The following GTF2F2 variants were observed in gnomAD, a reference collection of about 807,000 sequenced individuals.
GTF2F2 encodes the protein general transcription factor IIF subunit 2.
GTF2F2 carries 23 observed loss-of-function variants against 42.2 expected under a neutral mutation model. The ratio of observed to expected loss-of-function variants is 0.55; its 90% CI spans 0.39 to 0.77. The LOEUF is 0.77. Among genes scored for constraint, GTF2F2 ranks in the 30% least tolerant of loss-of-function variants. GTF2F2 has a pLI of 0.00. For synonymous variants in GTF2F2, 105 were observed against 100.8 expected, an observed-to-expected ratio of 1.04 and a Z score of -0.25; for missense variants, 261 against 287.2, an observed-to-expected ratio of 0.91 and a Z score of 0.66.
chr13:45,274,142 T>C (rs1471549789), intron 7 of GTF2F2, among the ~76,000 whole-genome samples: 2 of 152,178 alleles, frequency 1.3e-5, no homozygotes, highest in South Asian at 2.1e-4. Flanking sequence ...CTTTTTCAAA[T>C]GTCCCAAGAC....
chr13:45,248,536 C>T (rs373241647), intron 5 of GTF2F2, among the ~76,000 whole-genome samples: 6 of 151,898 alleles, frequency 4.0e-5, no homozygotes, highest in African/African-American at 7.2e-5. Flanking sequence ...TGCAATGGCG[C>T]GATCTCAGCT....
intron 4 of GTF2F2, among the ~76,000 whole-genome samples, chr13:45,175,562 G>T (rs545751948): frequency 9.9e-5 from 15 of 152,236 alleles, no homozygotes; most frequent in African/African-American, 3.4e-4. Flanking sequence ...AACAGCATCA[G>T]TATCTGTATC....
chr13:45,203,999 CT>C (rs561926284), intron 4 of GTF2F2, among the ~76,000 whole-genome samples: 3 of 151,828 alleles, frequency 2.0e-5, no homozygotes, highest in Admixed American at 6.6e-5. Context: ...ATGCTAATGG[CT>C]TTTTTTTATT....
chr13:45,275,063 T>C (rs1876974458), intron 7 of GTF2F2, among the ~76,000 whole-genome samples: 1 of 152,170 alleles, frequency 6.6e-6, no homozygotes, highest in African/African-American at 2.4e-5. Context: ...TTCCTTTCTC[T>C]CCCCTACAGG....
At chr13:45,163,818 C>T (rs1179485956) in intron 4 of GTF2F2, among the ~76,000 whole-genome samples, 1 of 152,092 alleles carries the variant, frequency 6.6e-6, no homozygotes, top group Non-Finnish European at 1.5e-5. Context: ...AAAACAGAGA[C>T]AGGTTATTTG....
intron 4 of GTF2F2, among the ~76,000 whole-genome samples, chr13:45,185,754 T>G (rs1379286208): frequency 1.3e-5 from 2 of 152,208 alleles, no homozygotes; most frequent in Non-Finnish European, 2.9e-5. Flanking sequence ...GAAAATGCAC[T>G]AAATCATTTA....
chr13:45,183,161 G>T (rs1469611571), intron 4 of GTF2F2, among the ~76,000 whole-genome samples: 1 of 152,122 alleles, frequency 6.6e-6, no homozygotes, highest in Non-Finnish European at 1.5e-5. Context: ...TGGTTGCTGT[G>T]TGACTGCAGG....
intron 5 of GTF2F2, among the ~76,000 whole-genome samples, chr13:45,222,597 A>AT (rs148140168): frequency 5.3e-5 from 8 of 151,992 alleles, no homozygotes; most frequent in Middle Eastern, 3.4e-3. Flanking sequence ...GGATGAGCAC[A>AT]TTTTTTTTCC....
chr13:45,210,330 C>G (rs1269312160), intron 5 of GTF2F2, among the ~76,000 whole-genome samples: 1 of 152,182 alleles, frequency 6.6e-6, no homozygotes, highest in Non-Finnish European at 1.5e-5. Flanking sequence ...GGCACACATC[C>G]ACACTGCAGC....
chr13:45,124,091 A>G (rs1268416683), intron 1 of GTF2F2: 2 of 876,754 alleles, frequency 2.3e-6, no homozygotes, highest in Non-Finnish European at 3.8e-6. Context: ...CCAGGAAATG[A>G]ACTTGACAAA....
chr13:45,228,739 C>T (rs536518768), intron 5 of GTF2F2, among the ~76,000 whole-genome samples: 305 of 143,922 alleles, frequency 2.1e-3, no homozygotes, highest in African/African-American at 7.8e-3. Context: ...GGCATGATCT[C>T]GTCTCACCGC....
chr13:45,157,172 G>A (rs1383325968), intron 4 of GTF2F2, among the ~76,000 whole-genome samples: 1 of 152,132 alleles, frequency 6.6e-6, no homozygotes, highest in African/African-American at 2.4e-5. Context: ...AAGGCAGACA[G>A]AGAACAGTAA....
intron 4 of GTF2F2, among the ~76,000 whole-genome samples, chr13:45,197,502 C>T (rs1168605861): frequency 2.2e-5 from 3 of 138,432 alleles, no homozygotes; most frequent in Non-Finnish European, 3.1e-5. Flanking sequence ...CAGTAAGACC[C>T]TGTCTCCAAA....
intron 4 of GTF2F2, among the ~76,000 whole-genome samples, chr13:45,167,615 G>A (rs1871356065): frequency 6.6e-6 from 1 of 152,052 alleles, no homozygotes; most frequent in Non-Finnish European, 1.5e-5. Flanking sequence ...GGCCAGGATG[G>A]TCTTGATCTC....
chr13:45,153,699 C>T (rs1439751188), intron 4 of GTF2F2, among the ~76,000 whole-genome samples: 1 of 151,896 alleles, frequency 6.6e-6, no homozygotes, highest in Non-Finnish European at 1.5e-5. Context: ...TAGGTTTGGC[C>T]GGGCATGGTG....
rs1206005669 is a variant in GTF2F2, at chr13:45,172,131, G to GT, written c.304+20301dup. On this transcript the variant is annotated intron_variant, in intron 4 of 7. Transcript: ENST00000340473. The stretch of plus-strand genomic sequence containing the variant: ...TATATATACCTAGGAGTGGAATGTA[G>GT]TGTGTGAGGGTTCCAATTTCACCAC... 4.6e-5 allele frequency among the ~76,000 whole-genome samples: 7 copies of GT among 152,254 alleles called. No homozygotes were observed. In the South Asian group the frequency reaches 1.2e-3, roughly 27 times the overall value.
chr13:45,142,497 GT>G (rs1869977654), intron 2 of GTF2F2, among the ~76,000 whole-genome samples: 1 of 152,104 alleles, frequency 6.6e-6, no homozygotes, highest in Admixed American at 6.5e-5. Flanking sequence ...GAATCTAGTG[GT>G]TTTTACCTAT....
intron 6 of GTF2F2, among the ~76,000 whole-genome samples, chr13:45,260,408 T>C (rs1876291796): frequency 6.6e-6 from 1 of 152,184 alleles, no homozygotes; most frequent in Non-Finnish European, 1.5e-5. Flanking sequence ...TCCCAAGAGA[T>C]AATGACACAC....
intron 7 of GTF2F2, among the ~76,000 whole-genome samples, chr13:45,282,895 A>G (rs937904093): frequency 6.6e-6 from 1 of 152,224 alleles, no homozygotes; most frequent in Non-Finnish European, 1.5e-5. Context: ...TCCTTCTCAC[A>G]TAGGAAAAAA....
Sources: gnomAD v4.1 joint callset for allele counts (sites outside exome capture counted in the v4.1 genomes callset) on GRCh38, gnomAD v4.1.1 for gene constraint, MANE v1.5 for transcripts, NCBI Gene and HGNC (gene_info 2026-07-23, HGNC 2026-07-21) for gene names.